The following CYP7B1 variants were observed in gnomAD, a reference collection of about 807,000 sequenced individuals.
CYP7B1 encodes the protein cytochrome P450 family 7 subfamily B member 1, also known as cytochrome P450 7B1.
In CYP7B1, 29 loss-of-function variants were observed where a neutral mutation model predicts 42.7. The observed-to-expected ratio is 0.68, with a 90% CI of 0.51 to 0.93. The LOEUF is 0.93. Among genes scored for constraint, CYP7B1 ranks in the 40% least tolerant of loss-of-function variants. CYP7B1 has a pLI of 0.00. For synonymous variants in CYP7B1, 235 were observed against 218.2 expected, an observed-to-expected ratio of 1.08 and a Z score of -0.68; for missense variants, 655 against 600.5, an observed-to-expected ratio of 1.09 and a Z score of -0.95.
chr8:64,728,404 T>C (rs73243422), intron 1 of CYP7B1, among the ~76,000 whole-genome samples: 258 of 152,330 alleles, frequency 1.7e-3, no homozygotes, highest in African/African-American at 5.9e-3. Flanking sequence ...CTAAAGCCAC[T>C]TGGTCACATG....
intron 1 of CYP7B1, among the ~76,000 whole-genome samples, chr8:64,658,407 A>G (rs1031101252): frequency 1.3e-5 from 2 of 152,178 alleles, no homozygotes; most frequent in Non-Finnish European, 2.9e-5. Context: ...TTTTTTAAAT[A>G]AAAACTTATG....
intron 1 of CYP7B1, among the ~76,000 whole-genome samples, chr8:64,641,234 C>T (rs1805851203): frequency 6.6e-6 from 1 of 152,202 alleles, no homozygotes; most frequent in Non-Finnish European, 1.5e-5. Flanking sequence ...TCAAATCTTA[C>T]ATCCTATTCA....
At chr8:64,736,715 C>T (rs751077558) in intron 1 of CYP7B1, among the ~76,000 whole-genome samples, 1 of 152,080 alleles carries the variant, frequency 6.6e-6, no homozygotes, top group Non-Finnish European at 1.5e-5. Flanking sequence ...TCCCAAAGTG[C>T]TGGGATTACA....
At chr8:64,614,253 G>A (rs988622439) in intron 4 of CYP7B1, among the ~76,000 whole-genome samples, 2 of 152,020 alleles carry the variant, frequency 1.3e-5, no homozygotes, top group African/African-American at 2.4e-5. Flanking sequence ...AATCTGCTGC[G>A]ATTAAAAGCT....
intron 1 of CYP7B1, among the ~76,000 whole-genome samples, chr8:64,715,217 G>A (rs1368725739): frequency 6.6e-6 from 1 of 152,194 alleles, no homozygotes; most frequent in African/African-American, 2.4e-5. Flanking sequence ...AAAGAAAAAT[G>A]CTAGAAATTT....
chr8:64,758,291 C>T (rs933857439), intron 1 of CYP7B1, among the ~76,000 whole-genome samples: 4 of 152,112 alleles, frequency 2.6e-5, no homozygotes, highest in African/African-American at 9.7e-5. Flanking sequence ...CCAGAAAGCC[C>T]AGACACAGCC....
Position 64,624,414 on chromosome 8 carries a change from A to C in CYP7B1, c.248T>G (p.Val83Gly), listed in dbSNP as rs781736228. 4 of 1,614,008 alleles carry C rather than the reference A, an allele frequency of 2.5e-6. No homozygotes were observed. The highest frequency in any genetic ancestry group is 2.5e-6 in the Non-Finnish European group (3 of 1,179,958). The change falls in exon 2 of 6, where the codon GTT (valine) becomes GGT (glycine). Residue 83 changes from valine to glycine, a missense_variant. By Grantham distance (109) the Val-to-Gly change is moderately radical (BLOSUM62 -3). Coordinates refer to ENST00000310193, the MANE Select transcript of CYP7B1 (RefSeq NM_004820.5). ...LQKQHGDTFT[V>G]LLGGKYITFI... ...GAAGTGCTTCTTACCACCAAGAAGA[A>C]CTGTGAAAGTGTCACCATGTTGCTT... is the stretch of plus-strand genomic sequence containing the variant.
chr8:64,619,913 T>C (rs991293269), intron 2 of CYP7B1, among the ~76,000 whole-genome samples: 6 of 152,088 alleles, frequency 3.9e-5, no homozygotes, highest in African/African-American at 1.4e-4. Flanking sequence ...AATTGGCTGC[T>C]TGGCATAGAA....
At chr8:64,714,445 G>A (rs1807124495) in intron 1 of CYP7B1, among the ~76,000 whole-genome samples, 1 of 152,188 alleles carries the variant, frequency 6.6e-6, no homozygotes, top group African/African-American at 2.4e-5. Flanking sequence ...TGTATCTGGA[G>A]GAATGGGTAC....
At chr8:64,752,399 T>C (rs1307605696) in intron 1 of CYP7B1, among the ~76,000 whole-genome samples, 2 of 87,236 alleles carry the variant, frequency 2.3e-5, no homozygotes, top group East Asian at 2.1e-4. Context: ...CATGTGCGTG[T>C]GTGTGTGTGT....
chr8:64,789,672 T>C (rs951052609), intron 1 of CYP7B1, among the ~76,000 whole-genome samples: 2 of 152,196 alleles, frequency 1.3e-5, no homozygotes, highest in Non-Finnish European at 2.9e-5. Flanking sequence ...AAGCAAGGAA[T>C]GCTGCTAAAT....
intron 1 of CYP7B1, among the ~76,000 whole-genome samples, chr8:64,767,816 A>G (rs1007581969): frequency 6.6e-6 from 1 of 152,192 alleles, no homozygotes; most frequent in Non-Finnish European, 1.5e-5. Context: ...CGTTCTTCAA[A>G]TGAAACCCTA....
At chr8:64,706,137 TTATGA>T (rs1374859035) in intron 1 of CYP7B1, among the ~76,000 whole-genome samples, 1 of 152,022 alleles carries the variant, frequency 6.6e-6, no homozygotes, top group Non-Finnish European at 1.5e-5. Flanking sequence ...GATTTCAGGC[TTATGA>T]TAACATTTCT....
intron 1 of CYP7B1, among the ~76,000 whole-genome samples, chr8:64,679,883 TG>T (rs1806510087): frequency 6.6e-6 from 1 of 152,254 alleles, no homozygotes; most frequent in Non-Finnish European, 1.5e-5. Context: ...TTGCTTGCTT[TG>T]TTTTCTGTTG....
intron 4 of CYP7B1, among the ~76,000 whole-genome samples, chr8:64,606,440 C>T (rs1805283907): frequency 6.6e-6 from 1 of 152,192 alleles, no homozygotes; most frequent in Non-Finnish European, 1.5e-5. Flanking sequence ...ACATATGTAG[C>T]AATGCTATTC....
intron 2 of CYP7B1, among the ~76,000 whole-genome samples, chr8:64,619,609 C>CT (rs1168996361): frequency 7.9e-5 from 12 of 152,142 alleles, no homozygotes; most frequent in Non-Finnish European, 1.3e-4. Context: ...ATTCTCTTCC[C>CT]TTTTTAGGAG....
At chr8:64,661,200 G>A (rs957156167) in intron 1 of CYP7B1, among the ~76,000 whole-genome samples, 6 of 152,198 alleles carry the variant, frequency 3.9e-5, no homozygotes, top group Admixed American at 3.3e-4. Context: ...ACTGTAATTT[G>A]CACATATTCT....
chr8:64,644,961 C>T (rs1805926771), intron 1 of CYP7B1, among the ~76,000 whole-genome samples: 1 of 148,484 alleles, frequency 6.7e-6, no homozygotes, highest in African/African-American at 2.5e-5. Context: ...CTTCCTGTGT[C>T]CATGTGTTCT....
In CYP7B1 at chr8:64,624,951, C is replaced by CTTTTTTTT. The variant is rs71260892; in HGVS notation, c.123-420_123-413dup. ...AGTCCCCAAAGTCCATTATATCATT[C>CTTTTTTTT]TTTTTTTTTTTTTTTTTTTTTTTTT... On this transcript the variant is annotated intron_variant, in intron 1 of 5. Coordinates refer to ENST00000310193, the MANE Select transcript of CYP7B1 (RefSeq NM_004820.5). Among the ~76,000 whole-genome samples, 95 of 54,062 alleles carry CTTTTTTTT rather than the reference C, an allele frequency of 1.8e-3. 23 individuals carry two copies. Among genetic ancestry groups the CTTTTTTTT allele is most frequent in the African/African-American group, 6.1e-3 (59 of 9,662 alleles). 35.5% of individuals were successfully genotyped at this position (54,062 alleles called of 152,430 possible). A position where few individuals can be genotyped will look rare whatever the true frequency, so the allele number is the denominator to read the frequency against.
Sources: allele counts gnomAD v4.1 joint callset (sites outside exome capture counted in the v4.1 genomes callset), GRCh38; gene constraint gnomAD v4.1.1; transcripts MANE v1.5; gene names NCBI Gene and HGNC (gene_info 2026-07-23, HGNC 2026-07-21).